The following PPP2R5C variants were observed in gnomAD, a reference collection of about 807,000 sequenced individuals.
PPP2R5C encodes the protein serine/threonine-protein phosphatase 2A 56 kDa regulatory subunit gamma isoform.
A neutral mutation model predicts 68.9 loss-of-function variants in PPP2R5C; 7 were observed. The ratio of observed to expected loss-of-function variants is 0.10; its 90% CI spans 0.06 to 0.19. The LOEUF is 0.19. Ranked by LOEUF, PPP2R5C falls within the 10% of genes least tolerant of loss-of-function variation. The pLI is 1.00. For missense variants in PPP2R5C, 348 were observed against 641.3 expected, an observed-to-expected ratio of 0.54 and a Z score of 4.94; for synonymous variants, 210 against 222.2, an observed-to-expected ratio of 0.95 and a Z score of 0.49.
At chr14:101,826,564 T>C (rs769586086) in intron 1 of PPP2R5C, among the ~76,000 whole-genome samples, 1 of 152,246 alleles carries the variant, frequency 6.6e-6, no homozygotes, top group Non-Finnish European at 1.5e-5. Flanking sequence ...AATCAGGAAG[T>C]GTGAACTCTC....
At chr14:101,831,823 G>A in intron 1 of PPP2R5C, 2 of 694,616 alleles carry the variant, frequency 2.9e-6, no homozygotes, top group Non-Finnish European at 2.6e-6. Flanking sequence ...GGTGGTCCTA[G>A]AAGCAATCCC....
At position 101,882,142 on chromosome 14, in the gene PPP2R5C, T is replaced by C. The variant is rs779270222; in HGVS notation, c.295-19T>C. 9.7e-6 allele frequency: 15 copies of C among 1,540,128 alleles called. No homozygotes were observed. Among genetic ancestry groups the C allele is most frequent in the Middle Eastern group, 3.4e-4 (2 of 5,806 alleles). The stretch of plus-strand genomic sequence containing the variant: ...ATTTTAAATGCCCTGATTGTAATTA[T>C]AGAATATGTGGATTTTAGTTTGCAG... On this transcript the variant is annotated intron_variant, in intron 2 of 13. Coordinates refer to ENST00000334743, the Ensembl canonical transcript of PPP2R5C. The surrounding 1 kb of genome is among the most constrained non-coding windows in gnomAD (Gnocchi z 4.9).
At position 101,785,892 on chromosome 14, in the gene PPP2R5C, T is replaced by G. The variant is rs2038068433; in HGVS notation, c.94-126T>G. On this transcript the variant is annotated intron_variant, in intron 2 of 14. Transcript: ENST00000328724. ...ATACTCCAGCCACTCTAAGGAATGA[T>G]GTCTTCCATGGAGTGAAGGGGAATG... 8 of 815,422 alleles carry G rather than the reference T, an allele frequency of 9.8e-6. No homozygotes were observed. In the South Asian group the frequency reaches 1.8e-4, roughly 18 times the overall value. 50.5% of individuals were successfully genotyped at this position (815,422 alleles called of 1,614,324 possible).
At chr14:101,842,701 A>G (rs1336461420) in intron 1 of PPP2R5C, among the ~76,000 whole-genome samples, 3 of 150,642 alleles carry the variant, frequency 2.0e-5, no homozygotes, top group Non-Finnish European at 4.4e-5. Context: ...CACACCTGGC[A>G]TGGGTAGACC....
chr14:101,774,750 C>G (rs1490039989), intron 2 of PPP2R5C, among the ~76,000 whole-genome samples: 1 of 152,172 alleles, frequency 6.6e-6, no homozygotes, highest in East Asian at 1.9e-4. Flanking sequence ...GCATCATCGA[C>G]CTTGATCAGG....
At chr14:101,785,568 G>A (rs2038053560) in intron 2 of PPP2R5C, among the ~76,000 whole-genome samples, 1 of 151,994 alleles carries the variant, frequency 6.6e-6, no homozygotes, top group Non-Finnish European at 1.5e-5. Context: ...TCTCCCTCCT[G>A]CCTCCCTCTT....
chr14:101,874,081 AATT>A (rs1396484502), intron 2 of PPP2R5C, among the ~76,000 whole-genome samples: 2 of 152,164 alleles, frequency 1.3e-5, no homozygotes. Context: ...GGGATCTAGC[AATT>A]ATTATAAAAA....
At chr14:101,762,200 G>A (rs904719745) in intron 1 of PPP2R5C, among the ~76,000 whole-genome samples, 1 of 151,878 alleles carries the variant, frequency 6.6e-6, no homozygotes. Context: ...GAGGGAGGGC[G>A]CGGCCCGGGG....
intron 3 of PPP2R5C, among the ~76,000 whole-genome samples, chr14:101,787,405 T>C (rs2038144859): frequency 6.8e-6 from 1 of 146,768 alleles, no homozygotes; most frequent in Non-Finnish European, 1.5e-5. Flanking sequence ...GGTGGATTTA[T>C]GGGTGGGTGG....
chr14:101,893,706 C>T (rs1321129271), intron 7 of PPP2R5C, among the ~76,000 whole-genome samples: 2 of 152,162 alleles, frequency 1.3e-5, no homozygotes, highest in Non-Finnish European at 2.9e-5. Flanking sequence ...GCCGAGATCG[C>T]GCCATTGCAC....
chr14:101,823,761 C>A, intron 1 of PPP2R5C: 2 of 1,090,436 alleles, frequency 1.8e-6, no homozygotes, highest in Non-Finnish European at 2.3e-6. Context: ...TGGGCTCACC[C>A]CTCTCTGAGC....
intron 2 of PPP2R5C, among the ~76,000 whole-genome samples, chr14:101,866,455 T>C (rs1322666882): frequency 6.6e-6 from 1 of 152,160 alleles, no homozygotes; most frequent in Non-Finnish European, 1.5e-5. Context: ...TATCGATAGA[T>C]TTTTAAAATA....
chr14:101,841,397 A>G (rs2041461709), intron 1 of PPP2R5C, among the ~76,000 whole-genome samples: 2 of 152,224 alleles, frequency 1.3e-5, no homozygotes. Context: ...AGCAAGTCCT[A>G]GGAAGTACTG....
chr14:101,824,450 A>G (rs552684160), intron 1 of PPP2R5C: 43 of 175,314 alleles, frequency 2.5e-4, no homozygotes, highest in Non-Finnish European at 4.9e-4. Context: ...CCTGATTTTA[A>G]TAAAGCTCTG....
chr14:101,903,738 C>T (rs1020017093), intron 9 of PPP2R5C, among the ~76,000 whole-genome samples: 9 of 151,558 alleles, frequency 5.9e-5, no homozygotes, highest in African/African-American at 1.9e-4. Flanking sequence ...TGCAGTGGTG[C>T]GATCTCGGCT....
At chr14:101,767,440 G>A (rs1355479163) in intron 2 of PPP2R5C, among the ~76,000 whole-genome samples, 1 of 152,168 alleles carries the variant, frequency 6.6e-6, no homozygotes, top group East Asian at 1.9e-4. Context: ...GTAAGGAGGA[G>A]GACAAGGACA....
chr14:101,804,844 A>T (rs1441634214), intron 3 of PPP2R5C, among the ~76,000 whole-genome samples: 1 of 152,172 alleles, frequency 6.6e-6, no homozygotes, highest in Non-Finnish European at 1.5e-5. Flanking sequence ...TGTACATTTT[A>T]AAATAACACT....
intron 1 of PPP2R5C, among the ~76,000 whole-genome samples, chr14:101,837,830 C>T (rs942436108): frequency 2.0e-5 from 3 of 152,196 alleles, no homozygotes; most frequent in Non-Finnish European, 2.9e-5. Flanking sequence ...AGTCCCTGTT[C>T]GAAGGAGGTG....
At chr14:101,796,342 C>G (rs529870489) in intron 3 of PPP2R5C, among the ~76,000 whole-genome samples, 1 of 152,196 alleles carries the variant, frequency 6.6e-6, no homozygotes, top group African/African-American at 2.4e-5. Flanking sequence ...CTTTTCTTCT[C>G]TTGCATGTTT....
Sources: gnomAD v4.1 joint callset for allele counts (sites outside exome capture counted in the v4.1 genomes callset) on GRCh38, gnomAD v4.1.1 for gene constraint, Gnocchi (gnomAD v3.1) non-coding constraint, MANE v1.5 for transcripts, NCBI Gene and HGNC (gene_info 2026-07-23, HGNC 2026-07-21) for gene names.